The following PRSS3 variants were observed in gnomAD, a reference collection of about 807,000 sequenced individuals.
PRSS3 encodes the protein serine protease 3.
Under a neutral mutation model 20.8 loss-of-function variants are expected in PRSS3, and 14 were observed. The ratio of observed to expected loss-of-function variants is 0.67; its 90% CI spans 0.44 to 1.05. PRSS3 has a LOEUF of 1.05. Ranked by LOEUF, PRSS3 falls within the 50% of genes least tolerant of loss-of-function variation. The pLI is 0.00. For missense variants in PRSS3, 237 were observed against 306.4 expected (o/e 0.77, Z 1.69); for synonymous variants, 91 against 117.6 (o/e 0.77, Z 1.46).
intron 1 of PRSS3, among the ~76,000 whole-genome samples, chr9:33,767,218 G>A (rs1401405216): frequency 1.3e-5 from 2 of 152,128 alleles, no homozygotes; most frequent in Non-Finnish European, 2.9e-5. Flanking sequence ...AATTTGGGAG[G>A]CCCAGGCAGG....
intron 1 of PRSS3, among the ~76,000 whole-genome samples, chr9:33,751,413 G>A (rs973341423): frequency 2.6e-5 from 4 of 152,196 alleles, no homozygotes; most frequent in African/African-American, 7.2e-5. Context: ...AATTTGCGGG[G>A]GTGGCCCTGT....
intron 1 of PRSS3, among the ~76,000 whole-genome samples, chr9:33,757,494 G>A (rs1823003494): frequency 6.7e-6 from 1 of 149,630 alleles, no homozygotes; most frequent in Admixed American, 6.6e-5. Flanking sequence ...TTTTTTCCCT[G>A]GGAAAGGTTT....
chr9:33,768,904 T>C (rs1823563051), intron 1 of PRSS3, among the ~76,000 whole-genome samples: 1 of 152,136 alleles, frequency 6.6e-6, no homozygotes, highest in Non-Finnish European at 1.5e-5. Context: ...TCTATCATCT[T>C]AGAGAATACA....
At chr9:33,775,171 T>C (rs1384308111) in intron 1 of PRSS3, among the ~76,000 whole-genome samples, 3 of 151,662 alleles carry the variant, frequency 2.0e-5, no homozygotes, top group African/African-American at 7.3e-5. Context: ...AGGCAAAAAA[T>C]TGAGCAGCAT....
chr9:33,791,437 T>C (rs1436132561), upstream of PRSS3, among the ~76,000 whole-genome samples: 1 of 152,230 alleles, frequency 6.6e-6, no homozygotes, highest in Non-Finnish European at 1.5e-5. Context: ...TCTAGACTTT[T>C]ATAAGCTAAA....
chr9:33,793,546 A>G (rs1287536111), upstream of PRSS3: 1 of 429,778 alleles, frequency 2.3e-6, no homozygotes, highest in East Asian at 1.6e-4. Flanking sequence ...AGGTGCCAGG[A>G]GAAAGATGAA....
intron 1 of PRSS3, among the ~76,000 whole-genome samples, chr9:33,772,883 A>G (rs1335213427): frequency 6.6e-6 from 1 of 152,098 alleles, no homozygotes; most frequent in Admixed American, 6.5e-5. Flanking sequence ...AAGCCTAGGC[A>G]CTCGAGGAGA....
Position 33,795,607 on chromosome 9 carries a change from G to A in PRSS3, c.34G>A (p.Ala12Thr), listed in dbSNP as rs762039852. Residue 12 changes from alanine (A) to threonine (T), a missense_variant, in exon 1 of 5, where the codon GCT becomes ACT. Transcript: ENST00000379405. ...NPFLILAFVG[A>T]AVAVPFDDDD... is the part of the protein sequence containing the mutation. ...ATTCCTGATCCTTGCCTTTGTGGGAGCTGCTGGCGAGTTTCATGACCTGCC... is the reference window on the plus strand; with the variant it reads ...ATTCCTGATCCTTGCCTTTGTGGGAACTGCTGGCGAGTTTCATGACCTGCC... 7 of 1,614,054 alleles carry A rather than the reference G, an allele frequency of 4.3e-6. No homozygotes were observed. The highest frequency in any genetic ancestry group is 5.9e-6 in the Non-Finnish European group (7 of 1,180,038).
chr9:33,759,818 A>T (rs1823105905), intron 1 of PRSS3, among the ~76,000 whole-genome samples: 1 of 152,118 alleles, frequency 6.6e-6, no homozygotes, highest in African/African-American at 2.4e-5. Context: ...TTGCAAGGGG[A>T]AGAGGAAACG....
At chr9:33,762,650 T>A (rs747478383) in intron 1 of PRSS3, among the ~76,000 whole-genome samples, 19 of 152,210 alleles carry the variant, frequency 1.2e-4, no homozygotes, top group Non-Finnish European at 2.6e-4. Flanking sequence ...TATTCTGTGA[T>A]CACCCTATAA....
At chr9:33,760,469 G>C (rs928664857) in intron 1 of PRSS3, among the ~76,000 whole-genome samples, 1 of 152,064 alleles carries the variant, frequency 6.6e-6, no homozygotes, top group South Asian at 2.1e-4. Context: ...TAAAGAGGCC[G>C]GGTGCGGTGG....
chr9:33,773,632 A>G (rs1443288767), intron 1 of PRSS3, among the ~76,000 whole-genome samples: 1 of 152,208 alleles, frequency 6.6e-6, no homozygotes, highest in Non-Finnish European at 1.5e-5. Flanking sequence ...TTGTGAAAGC[A>G]CTTATTTTTT....
chr9:33,775,628 G>A (rs530627941), intron 1 of PRSS3, among the ~76,000 whole-genome samples: 1 of 151,962 alleles, frequency 6.6e-6, no homozygotes, highest in Non-Finnish European at 1.5e-5. Context: ...AGACAAGGGG[G>A]ACTTGAAAAC....
intron 3 of PRSS3, 160 bp downstream of exon 3, chr9:33,798,242 T>A (rs1825117636): frequency 7.0e-7 from 1 of 1,434,728 alleles, no homozygotes. Context: ...ATGCAAAGTC[T>A]CAAGGACTTG....
At chr9:33,789,394 G>A (rs1824537324) in intron 1 of PRSS3, among the ~76,000 whole-genome samples, 1 of 152,154 alleles carries the variant, frequency 6.6e-6, no homozygotes, top group Admixed American at 6.5e-5. Context: ...TGGGCTGACT[G>A]TTCAGCGACC....
chr9:33,795,833 C>G (rs1315241783), intron 1 of PRSS3, among the ~76,000 whole-genome samples: 3 of 152,256 alleles, frequency 2.0e-5, no homozygotes, highest in Non-Finnish European at 4.4e-5. Flanking sequence ...CATATCCGAG[C>G]TGTGGTTGGA....
intron 1 of PRSS3, among the ~76,000 whole-genome samples, chr9:33,758,254 T>A (rs537469649): frequency 6.6e-6 from 1 of 152,342 alleles, no homozygotes; most frequent in South Asian, 2.1e-4. Flanking sequence ...GATTTCAGAA[T>A]ACCTACCTGT....
chr9:33,799,230 C>A lies in PRSS3; in HGVS notation c.*50C>A. On this transcript the variant is annotated 3_prime_UTR_variant, in exon 5 of 5. Transcript: ENST00000379405. ...TATACCAATAAAGTGGCCCTGCTCT[C>A]ACTCTGTGTCTGTGCCGGCTCCCTC... 6.2e-7 allele frequency: 1 copy of A among 1,604,148 alleles called. No individual in the cohort carries two copies. Among genetic ancestry groups the A allele is most frequent in the South Asian group, 1.1e-5 (1 of 89,558 alleles).
Position 33,797,975 on chromosome 9 carries a change from C to T in PRSS3, c.347C>T (p.Pro116Leu), listed in dbSNP as rs867263324. 6.2e-7 allele frequency: 1 copy of T among 1,614,168 alleles called. No individual in the cohort carries two copies. Among genetic ancestry groups the T allele is most frequent in the Admixed American group, 1.7e-5 (1 of 60,016 alleles). ...NDIMLIKLSSPAVINARVSTI... is the reference protein window; with the variant it reads ...NDIMLIKLSSLAVINARVSTI... ...ATCATGCTGATCAAACTCTCCTCACCTGCCGTCATCAATGCCCGCGTGTCC... is the reference window on the plus strand; with the variant it reads ...ATCATGCTGATCAAACTCTCCTCACTTGCCGTCATCAATGCCCGCGTGTCC... The change falls in exon 3 of 5, where the codon CCT becomes CTT. Residue 116 changes from proline to leucine, a missense_variant. By Grantham distance (98) the Pro-to-Leu change is moderately conservative. Coordinates refer to ENST00000379405, the MANE Select transcript of PRSS3 (RefSeq NM_002771.4).
Sources: gnomAD v4.1 joint callset for allele counts (sites outside exome capture counted in the v4.1 genomes callset) on GRCh38, gnomAD v4.1.1 for gene constraint, MANE v1.5 for transcripts, NCBI Gene and HGNC (gene_info 2026-07-23, HGNC 2026-07-21) for gene names.